Variants in FAAH2 observed in about 807,000 individuals in gnomAD.
The protein encoded by FAAH2 is fatty acid amide hydrolase 2, also known as fatty-acid amide hydrolase 2.
Under a neutral mutation model 36.9 loss-of-function variants are expected in FAAH2, and 60 were observed. That is an observed-to-expected ratio of 1.63 (90% CI 1.32 to 2.02). The LOEUF (loss-of-function observed/expected upper bound fraction) is 2.02, where lower values mean the gene tolerates loss of function less well. Ranked by LOEUF, FAAH2 falls within the 30% of genes most tolerant of loss-of-function variation. The probability of loss-of-function intolerance (pLI) is 0.00; values close to 1 mark genes in which losing one functional copy is unlikely to be tolerated. For synonymous variants in FAAH2, 214 were observed against 143.8 expected (o/e 1.49, Z -3.49); for missense variants, 689 against 397.5 (o/e 1.73, Z -6.23).
chrX:57,266,996 T>A, the FAAH2 span, among the ~76,000 whole-genome samples: 1 of 111,956 alleles, frequency 8.9e-6, no homozygotes, highest in African/African-American at 3.2e-5. Context: ...CACTCCTTGG[T>A]CTGCTGGCCT....
At chrX:57,419,250 G>A (rs2055938026) in intron 7 of FAAH2, among the ~76,000 whole-genome samples, 1 of 110,642 alleles carries the variant, frequency 9.0e-6, no homozygotes, top group Non-Finnish European at 1.9e-5. Flanking sequence ...GGATGGCTGG[G>A]TCAAATGGTA....
chrX:57,141,968 C>G, the FAAH2 span, among the ~76,000 whole-genome samples: 4 of 110,146 alleles, frequency 3.6e-5, no homozygotes, highest in East Asian at 1.2e-3. Context: ...ACACCCCGGT[C>G]TAATTTTTCA....
At chrX:57,454,385 G>A (rs902780518) in intron 10 of FAAH2, among the ~76,000 whole-genome samples, 1 of 111,595 alleles carries the variant, frequency 9.0e-6, no homozygotes, top group African/African-American at 3.3e-5. Context: ...ATGAATCCAA[G>A]AACTGGCAAC....
chrX:57,292,819 T>C (rs756711138), intron 2 of FAAH2, among the ~76,000 whole-genome samples: 11 of 111,930 alleles, frequency 9.8e-5, no homozygotes, highest in Non-Finnish European at 2.1e-4. Context: ...CTAAATTTTG[T>C]TGTTTTTGCA....
At chrX:57,312,595 G>C (rs763818582) in intron 3 of FAAH2, among the ~76,000 whole-genome samples, 1 of 109,367 alleles carries the variant, frequency 9.1e-6, no homozygotes, top group Admixed American at 9.8e-5. Flanking sequence ...TAGGAGAATC[G>C]CTTGAACCTA....
chrX:57,373,676 C>A (rs1423937455), intron 5 of FAAH2, among the ~76,000 whole-genome samples: 1 of 111,460 alleles, frequency 9.0e-6, no homozygotes, highest in Non-Finnish European at 1.9e-5. Context: ...TGTGGGTTGT[C>A]TGTTTACTCT....
chrX:57,336,446 G>A (rs186314016), intron 4 of FAAH2, among the ~76,000 whole-genome samples: 6 of 110,983 alleles, frequency 5.4e-5, no homozygotes, highest in East Asian at 2.9e-4. Flanking sequence ...ACACGGACGC[G>A]CATGAAACTT....
chrX:57,249,174 G>T, the FAAH2 span, among the ~76,000 whole-genome samples: 2 of 111,620 alleles, frequency 1.8e-5, no homozygotes, highest in Non-Finnish European at 3.8e-5. Flanking sequence ...AAATAAGATT[G>T]TTATCATAGT....
intron 2 of FAAH2, among the ~76,000 whole-genome samples, chrX:57,297,517 CATCA>C (rs1322639382): frequency 1.6e-4 from 15 of 95,020 alleles, no homozygotes; most frequent in African/African-American, 1.9e-4. Context: ...TTGTAAAGAC[CATCA>C]AGGCTAGGGA....
intron 7 of FAAH2, among the ~76,000 whole-genome samples, chrX:57,388,552 CCT>C (rs2055083599): frequency 9.0e-6 from 1 of 110,702 alleles, no homozygotes; most frequent in Admixed American, 9.6e-5. Flanking sequence ...ATGGGTAGCC[CCT>C]CTTTCTTTCA....
chrX:57,161,789 A>C, the FAAH2 span, among the ~76,000 whole-genome samples: 1 of 111,738 alleles, frequency 8.9e-6, no homozygotes, highest in South Asian at 3.8e-4. Context: ...AATACAGCAC[A>C]CTGATGGGTC....
chrX:57,343,872 T>A (rs756573665), intron 5 of FAAH2, among the ~76,000 whole-genome samples: 2 of 111,853 alleles, frequency 1.8e-5, no homozygotes, highest in South Asian at 7.4e-4. Flanking sequence ...GAATAGGAAG[T>A]CCTGTTACCC....
At chrX:57,161,402 T>C in the FAAH2 span, among the ~76,000 whole-genome samples, 1 of 111,217 alleles carries the variant, frequency 9.0e-6, no homozygotes, top group African/African-American at 3.3e-5. Flanking sequence ...TGAGTTCGGC[T>C]CCTGGATATC....
chrX:57,400,312 C>T (rs2147298323), intron 7 of FAAH2, among the ~76,000 whole-genome samples: 1 of 112,366 alleles, frequency 8.9e-6, no homozygotes, highest in East Asian at 2.8e-4. Flanking sequence ...TGCCACTACC[C>T]ATAAATAATG....
intron 7 of FAAH2, among the ~76,000 whole-genome samples, chrX:57,385,840 G>A (rs1288418678): frequency 2.8e-5 from 3 of 108,938 alleles, no homozygotes; most frequent in African/African-American, 6.7e-5. Context: ...CCCGGGAGGC[G>A]GAGCTTGCAG....
chrX:57,488,965 G>A lies in FAAH2; in HGVS notation c.*33G>A. The A allele has an allele frequency of 8.6e-7, 1 of 1,160,720 alleles. No homozygotes were observed. The highest frequency in any genetic ancestry group is 1.2e-6 in the Non-Finnish European group (1 of 867,289). On this transcript the variant is annotated 3_prime_UTR_variant, in exon 11 of 11. Transcript: ENST00000374900. ...TTCTGCAAGGTTAATGTGTGTGTGT[G>A]TTTGTGTTCGTGTGGTGGTGTTTCT...
chrX:57,410,376 G>T (rs1370288437), intron 7 of FAAH2, among the ~76,000 whole-genome samples: 1 of 111,130 alleles, frequency 9.0e-6, no homozygotes, highest in Non-Finnish European at 1.9e-5. Context: ...CAGTTGGGTC[G>T]ATTTGTTCTC....
At chrX:57,377,657 G>A (rs745543492) in intron 5 of FAAH2, among the ~76,000 whole-genome samples, 1 of 112,230 alleles carries the variant, frequency 8.9e-6, no homozygotes, top group Non-Finnish European at 1.9e-5. Context: ...GAAATTTAAA[G>A]TAGTTTTTTC....
the FAAH2 span, among the ~76,000 whole-genome samples, chrX:57,192,857 ATT>A: frequency 1.8e-5 from 2 of 112,093 alleles, no homozygotes; most frequent in African/African-American, 6.5e-5. Context: ...TACCCTTGTG[ATT>A]TCCTATGCCT....
Sources: gnomAD v4.1 joint callset for allele counts (sites outside exome capture counted in the v4.1 genomes callset) on GRCh38, gnomAD v4.1.1 for gene constraint, MANE v1.5 for transcripts, NCBI Gene and HGNC (gene_info 2026-07-23, HGNC 2026-07-21) for gene names.